GLI3: variants seen among roughly 807,000 people sequenced by gnomAD.
GLI3 encodes the protein GLI family zinc finger 3.
Under a neutral mutation model 100.8 loss-of-function variants are expected in GLI3, and 20 were observed. That is an observed-to-expected ratio of 0.20 (90% CI 0.14 to 0.29). The LOEUF is 0.29. Ranked by LOEUF, GLI3 falls within the 10% of genes least tolerant of loss-of-function variation. The pLI is 1.00. For synonymous variants in GLI3, 938 were observed against 860.5 expected (o/e 1.09, Z -1.58); for missense variants, 2,040 against 2,128.5 (o/e 0.96, Z 0.82).
chr7:42,029,253 A>T (rs995130771), intron 7 of GLI3, among the ~76,000 whole-genome samples: 8 of 152,220 alleles, frequency 5.3e-5, no homozygotes, highest in Non-Finnish European at 1.0e-4. Flanking sequence ...TCCACTCCAG[A>T]TGACAAAGCC....
At chr7:42,258,196 T>C (rs913391686) in intron 1 of GLI3, among the ~76,000 whole-genome samples, 6 of 152,204 alleles carry the variant, frequency 3.9e-5, no homozygotes, top group Non-Finnish European at 5.9e-5. Flanking sequence ...GTATTATACA[T>C]ACTGAATTCA....
At chr7:42,240,390 G>T (rs1316077944), upstream of GLI3, among the ~76,000 whole-genome samples, 1 of 152,150 alleles carries the variant, frequency 6.6e-6, no homozygotes, top group Non-Finnish European at 1.5e-5. Context: ...ACCAAAAACT[G>T]GATGGCTTAA....
chr7:42,230,543 G>A (rs1788678053), intron 1 of GLI3, among the ~76,000 whole-genome samples: 1 of 152,230 alleles, frequency 6.6e-6, no homozygotes, highest in South Asian at 2.1e-4. Context: ...TGACATGAAA[G>A]TAATCATTGC....
chr7:42,119,953 C>T (rs546761299), intron 3 of GLI3, among the ~76,000 whole-genome samples: 1 of 152,304 alleles, frequency 6.6e-6, no homozygotes, highest in East Asian at 1.9e-4. Flanking sequence ...GTCATCCACA[C>T]AAACTCACAG....
At chr7:42,063,136 T>A (rs776416974) in intron 4 of GLI3, among the ~76,000 whole-genome samples, 9 of 152,172 alleles carry the variant, frequency 5.9e-5, no homozygotes, top group Admixed American at 6.5e-5. Context: ...TTTTGCAAGG[T>A]TTAGGCAGCT....
At chr7:42,083,165 A>G (rs1785031736) in intron 3 of GLI3, among the ~76,000 whole-genome samples, 2 of 152,176 alleles carry the variant, frequency 1.3e-5, no homozygotes, top group Admixed American at 6.5e-5. Context: ...TTTTGTACCC[A>G]TTAACCATTC....
At chr7:42,121,984 A>G (rs1329644257) in intron 3 of GLI3, among the ~76,000 whole-genome samples, 2 of 152,108 alleles carry the variant, frequency 1.3e-5, no homozygotes, top group African/African-American at 2.4e-5. Flanking sequence ...ATGGCAGCCA[A>G]TCCCCTCTCC....
intron 2 of GLI3, among the ~76,000 whole-genome samples, chr7:42,189,971 A>AACACACAC (rs57107204): frequency 2.7e-4 from 39 of 143,402 alleles, no homozygotes; most frequent in East Asian, 6.3e-4. Flanking sequence ...GCATGGGCTC[A>AACACACAC]ACACACACAC....
chr7:42,154,563 A>G (rs1307429871), intron 2 of GLI3, among the ~76,000 whole-genome samples: 1 of 152,148 alleles, frequency 6.6e-6, no homozygotes, highest in Non-Finnish European at 1.5e-5. Flanking sequence ...TTACATGTTG[A>G]TGCTCTTTGA....
chr7:42,204,771 C>A (rs754909401), intron 2 of GLI3, among the ~76,000 whole-genome samples: 37 of 152,110 alleles, frequency 2.4e-4, no homozygotes, highest in Admixed American at 1.0e-3. Flanking sequence ...AAGAAAAGTT[C>A]TTATGAGACA....
intron 1 of GLI3, among the ~76,000 whole-genome samples, chr7:42,260,802 C>G (rs933572957): frequency 6.6e-6 from 1 of 152,120 alleles, no homozygotes; most frequent in Non-Finnish European, 1.5e-5. Flanking sequence ...CATGTAGAGA[C>G]AGCAATCTCA....
chr7:41,971,275 G>C (rs1787357034), intron 13 of GLI3, among the ~76,000 whole-genome samples: 1 of 152,168 alleles, frequency 6.6e-6, no homozygotes, highest in Non-Finnish European at 1.5e-5. Flanking sequence ...AAATCTGTTT[G>C]CCTGATTGTT....
intron 2 of GLI3, among the ~76,000 whole-genome samples, chr7:42,188,002 C>CAAAAAAAAAAAAAAAA (rs56140906): frequency 4.7e-5 from 4 of 85,298 alleles, no homozygotes; most frequent in African/African-American, 1.1e-4. Context: ...GACTCCATCT[C>CAAAAAAAAAAAAAAAA]AAAAAAAAAA....
chr7:42,236,763 C>G (rs1788808218), intron 1 of GLI3, among the ~76,000 whole-genome samples: 2 of 152,222 alleles, frequency 1.3e-5, no homozygotes. Flanking sequence ...TCGGACTCTT[C>G]GGAAAGGACC....
intron 2 of GLI3, among the ~76,000 whole-genome samples, chr7:42,169,197 G>A (rs1199917071): frequency 2.6e-5 from 4 of 152,046 alleles, no homozygotes; most frequent in Admixed American, 1.3e-4. Flanking sequence ...CCATTCACAA[G>A]CACCATTATT....
chr7:42,121,107 C>T (rs1785987792), intron 3 of GLI3, among the ~76,000 whole-genome samples: 1 of 152,214 alleles, frequency 6.6e-6, no homozygotes, highest in Admixed American at 6.5e-5. Flanking sequence ...AGACAGACGA[C>T]TCTCTTTCCC....
Position 41,964,591 on chromosome 7 carries a change from G to A in GLI3, c.4482C>T (p.Leu1494=). Residue 1494 remains leucine (L), a synonymous_variant, in exon 15 of 15, where the codon CTC becomes CTT. Coordinates refer to ENST00000395925, the MANE Select transcript of GLI3 (RefSeq NM_000168.6). ...ANQVTSTVDS[L]DSHDLEGVQI... ...GTACCCCTTCCAGGTCATGGCTGTCGAGGCTGTCCACTGTGCTTGTCACCT... is the reference window on the plus strand; with the variant it reads ...GTACCCCTTCCAGGTCATGGCTGTCAAGGCTGTCCACTGTGCTTGTCACCT... The A allele has an allele frequency of 1.9e-6, 3 of 1,614,108 alleles. No homozygotes were observed. The highest frequency in any genetic ancestry group is 1.7e-5 in the Admixed American group (1 of 60,030).
At chr7:42,138,196 T>A (rs376572195) in intron 3 of GLI3, among the ~76,000 whole-genome samples, 64 of 152,146 alleles carry the variant, frequency 4.2e-4, no homozygotes, top group African/African-American at 1.5e-3. Context: ...ATATCATGCA[T>A]CATGTACTTA....
At chr7:42,045,271 T>G (rs1784222814) in intron 6 of GLI3, 113 bp downstream of exon 6, 4 of 1,047,570 alleles carry the variant, frequency 3.8e-6, no homozygotes, top group African/African-American at 1.6e-5. Flanking sequence ...GGTTCCACTT[T>G]CTCCTCCAGA....
Sources: gnomAD v4.1 joint callset for allele counts (sites outside exome capture counted in the v4.1 genomes callset) on GRCh38, gnomAD v4.1.1 for gene constraint, MANE v1.5 for transcripts, NCBI Gene and HGNC (gene_info 2026-07-23, HGNC 2026-07-21) for gene names.